TCF7L1: variants seen among roughly 807,000 people sequenced by gnomAD.
TCF7L1 encodes transcription factor 7 like 1.
TCF7L1 carries 18 observed loss-of-function variants against 63.7 expected under a neutral mutation model. The ratio of observed to expected loss-of-function variants is 0.28; its 90% CI spans 0.20 to 0.42. TCF7L1 has a LOEUF of 0.42. Ranked by LOEUF, TCF7L1 falls within the 10% of genes least tolerant of loss-of-function variation. TCF7L1 has a pLI of 1.00. For missense variants in TCF7L1, 654 were observed against 779.3 expected (o/e 0.84, Z 1.91); for synonymous variants, 355 against 340.9 (o/e 1.04, Z -0.46).
rs1409659343 is a variant in TCF7L1 at position 85,304,350 on chromosome 2, G to A, written c.845+12G>A. The stretch of plus-strand genomic sequence containing the variant: ...GCCTCGATGTCCAGGTGAGTCCCGG[G>A]GCTGGGGCTGTCCGCATGTTTGTCT... On this transcript the variant is annotated intron_variant, in intron 7 of 11. Coordinates refer to ENST00000282111, the MANE Select transcript of TCF7L1 (RefSeq NM_031283.3). 1.9e-6 allele frequency: 3 copies of A among 1,612,512 alleles called. No homozygotes were observed. The highest frequency in any genetic ancestry group is 1.3e-5 in the African/African-American group (1 of 74,856).
intron 3 of TCF7L1, among the ~76,000 whole-genome samples, chr2:85,266,274 G>A (rs1342464054): frequency 2.6e-5 from 4 of 152,144 alleles, no homozygotes; most frequent in East Asian, 1.9e-4. Flanking sequence ...CCTAGAGACA[G>A]TAAGCCTTCA....
Position 85,304,006 on chromosome 2 carries a change from C to A in TCF7L1, c.761+9C>A, listed in dbSNP as rs777981620. On this transcript the variant is annotated intron_variant, in intron 6 of 11. Transcript: ENST00000282111. ...GGCTGGCTCGTCCCACAGTAAGGAA[C>A]CCACAGCCTCTCTTCCCCCTGCTCC... 2.4e-5 allele frequency: 37 copies of A among 1,563,914 alleles called. No homozygotes were observed. The highest frequency in any genetic ancestry group is 2.9e-5 in the Non-Finnish European group (34 of 1,153,228).
At chr2:85,170,363 A>C (rs898404080) in intron 3 of TCF7L1, among the ~76,000 whole-genome samples, 2 of 152,226 alleles carry the variant, frequency 1.3e-5, no homozygotes, top group East Asian at 1.9e-4. Flanking sequence ...ATACATATTC[A>C]TCAAAAGAAA....
At chr2:85,248,729 T>C (rs1680524701) in intron 3 of TCF7L1, among the ~76,000 whole-genome samples, 1 of 152,238 alleles carries the variant, frequency 6.6e-6, no homozygotes, top group Non-Finnish European at 1.5e-5. Flanking sequence ...TGAACATAGC[T>C]GATCCACCCA....
In TCF7L1 at chr2:85,214,060, C is replaced by G. The variant is rs1679633908; in HGVS notation, c.442-69435C>G. On this transcript the variant is annotated intron_variant, in intron 3 of 11. Coordinates refer to ENST00000282111, the MANE Select transcript of TCF7L1 (RefSeq NM_031283.3). ...GGCGGTGAGAGGTGTGAGGGATGATCGGGGAGTGCCATGCTCAGCAGCCTG... is the reference window on the plus strand; with the variant it reads ...GGCGGTGAGAGGTGTGAGGGATGATGGGGGAGTGCCATGCTCAGCAGCCTG... Among the ~76,000 whole-genome samples, 5 of 152,112 alleles carry G rather than the reference C, an allele frequency of 3.3e-5. No homozygotes were observed. In the South Asian group the frequency reaches 1.0e-3, roughly 32 times the overall value.
At chr2:85,271,314 T>C (rs1183201642) in intron 3 of TCF7L1, among the ~76,000 whole-genome samples, 1 of 152,192 alleles carries the variant, frequency 6.6e-6, no homozygotes, top group Non-Finnish European at 1.5e-5. Context: ...GGTTTTGCCA[T>C]ATTGGCCATG....
chr2:85,169,193 C>T (rs1678492009), intron 3 of TCF7L1, among the ~76,000 whole-genome samples: 1 of 152,114 alleles, frequency 6.6e-6, no homozygotes. Context: ...TCAGGTCAGC[C>T]TTCCTTCTCA....
At chr2:85,252,737 G>A (rs867072260) in intron 3 of TCF7L1, among the ~76,000 whole-genome samples, 8 of 152,148 alleles carry the variant, frequency 5.3e-5, no homozygotes, top group South Asian at 2.1e-4. Flanking sequence ...CAAGCTCCCC[G>A]AGGCCTGTGC....
chr2:85,215,927 G>A (rs1271610280), intron 3 of TCF7L1, among the ~76,000 whole-genome samples: 2 of 152,138 alleles, frequency 1.3e-5, no homozygotes, highest in Admixed American at 6.5e-5. Context: ...GAAGGAATCC[G>A]ATACTCATAA....
At chr2:85,249,216 A>G (rs1011323452) in intron 3 of TCF7L1, among the ~76,000 whole-genome samples, 4 of 152,182 alleles carry the variant, frequency 2.6e-5, no homozygotes, top group Non-Finnish European at 5.9e-5. Context: ...TGGAATTTCC[A>G]TCTGGGAACC....
At chr2:85,259,599 G>A (rs1221984633) in intron 3 of TCF7L1, among the ~76,000 whole-genome samples, 2 of 152,200 alleles carry the variant, frequency 1.3e-5, no homozygotes, top group African/African-American at 4.8e-5. Context: ...TGTCTCAAGG[G>A]GTAAAGAGAG....
At chr2:85,148,485 C>T (rs989827215) in intron 3 of TCF7L1, among the ~76,000 whole-genome samples, 1 of 152,030 alleles carries the variant, frequency 6.6e-6, no homozygotes, top group African/African-American at 2.4e-5. Context: ...GCCCCAGGGC[C>T]CCCCTCAGGG....
intron 4 of TCF7L1, among the ~76,000 whole-genome samples, chr2:85,287,979 G>A (rs534811469): frequency 1.3e-5 from 2 of 152,268 alleles, no homozygotes; most frequent in East Asian, 1.9e-4. Flanking sequence ...GTCGTTGTGC[G>A]AAAATGAGCC....
chr2:85,142,208 C>T (rs1228506167), intron 3 of TCF7L1, among the ~76,000 whole-genome samples: 2 of 152,100 alleles, frequency 1.3e-5, no homozygotes, highest in African/African-American at 4.8e-5. Flanking sequence ...GGGCAGATTG[C>T]TTGAGCTCAC....
intron 3 of TCF7L1, among the ~76,000 whole-genome samples, chr2:85,177,341 A>G (rs1449775747): frequency 6.6e-6 from 1 of 152,224 alleles, no homozygotes; most frequent in Non-Finnish European, 1.5e-5. Flanking sequence ...GGTGTGGGGC[A>G]CAAACACCTT....
intron 3 of TCF7L1, among the ~76,000 whole-genome samples, chr2:85,161,058 C>T (rs1261547604): frequency 6.6e-6 from 1 of 152,198 alleles, no homozygotes; most frequent in Non-Finnish European, 1.5e-5. Flanking sequence ...AATACACCAG[C>T]ATCCGTAGAG....
chr2:85,209,745 C>A (rs1679502395), intron 3 of TCF7L1, among the ~76,000 whole-genome samples: 1 of 152,138 alleles, frequency 6.6e-6, no homozygotes, highest in Non-Finnish European at 1.5e-5. Context: ...TACACCCAGG[C>A]AATGGGGAGC....
chr2:85,269,587 C>T (rs193094156), intron 3 of TCF7L1, among the ~76,000 whole-genome samples: 132 of 152,290 alleles, frequency 8.7e-4, no homozygotes, highest in African/African-American at 2.9e-3. Context: ...GGCTTACAGG[C>T]GTGAGCCACC....
chr2:85,258,141 A>G (rs552205883), intron 3 of TCF7L1, among the ~76,000 whole-genome samples: 28 of 152,346 alleles, frequency 1.8e-4, no homozygotes, highest in South Asian at 1.2e-3. Context: ...AGCCTGTATC[A>G]TCATAATCAA....
Sources: allele counts gnomAD v4.1 joint callset (sites outside exome capture counted in the v4.1 genomes callset), GRCh38; gene constraint gnomAD v4.1.1; transcripts MANE v1.5; gene names NCBI Gene and HGNC (gene_info 2026-07-23, HGNC 2026-07-21).